The following GAS2 variants were observed in gnomAD, a reference collection of about 807,000 sequenced individuals.
The protein encoded by GAS2 is growth arrest specific 2.
In GAS2, 20 loss-of-function variants were observed where a neutral mutation model predicts 37.5. That is an observed-to-expected ratio of 0.53 (90% CI 0.37 to 0.77). The LOEUF (loss-of-function observed/expected upper bound fraction) is 0.77, where lower values mean the gene tolerates loss of function less well. Among genes scored for constraint, GAS2 ranks in the 30% least tolerant of loss-of-function variants. The pLI is 0.00. For synonymous variants in GAS2, 144 were observed against 132.2 expected (o/e 1.09, Z -0.61); for missense variants, 336 against 373.4 (o/e 0.90, Z 0.82).
At chr11:22,789,818 C>A (rs1168584398) in intron 7 of GAS2, among the ~76,000 whole-genome samples, 2 of 151,954 alleles carry the variant, frequency 1.3e-5, no homozygotes, top group African/African-American at 2.4e-5. Flanking sequence ...AAATATATAT[C>A]TCTCTATATA....
chr11:22,778,014 T>C (rs1371218931), intron 7 of GAS2, among the ~76,000 whole-genome samples: 2 of 152,176 alleles, frequency 1.3e-5, no homozygotes, highest in Middle Eastern at 3.4e-3. Flanking sequence ...ATTTTGGGGG[T>C]AGACTTAATT....
intron 7 of GAS2, among the ~76,000 whole-genome samples, chr11:22,797,712 C>T (rs1856496034): frequency 6.6e-6 from 1 of 152,036 alleles, no homozygotes; most frequent in Non-Finnish European, 1.5e-5. Flanking sequence ...GAAGTACTAT[C>T]AGGATTTTAA....
At chr11:22,718,501 G>A (rs1851793461) in intron 3 of GAS2, among the ~76,000 whole-genome samples, 1 of 151,644 alleles carries the variant, frequency 6.6e-6, no homozygotes, top group Non-Finnish European at 1.5e-5. Context: ...AATGGACTAT[G>A]GGGACTTTGG....
intron 7 of GAS2, among the ~76,000 whole-genome samples, chr11:22,788,742 C>A (rs7105105): frequency 0.39 from 58,564 of 151,892 alleles, 11,499 homozygotes; most frequent in African/African-American, 0.41. Context: ...GTATAATAGT[C>A]AGTAGTATAA....
intron 7 of GAS2, among the ~76,000 whole-genome samples, chr11:22,785,057 A>C (rs4528327): frequency 0.96 from 145,775 of 152,174 alleles, 70,115 homozygotes; most frequent in East Asian, 1. Context: ...CCATCACACT[A>C]GACATATTCC....
intron 3 of GAS2, among the ~76,000 whole-genome samples, chr11:22,691,928 C>T (rs1850264828): frequency 6.6e-6 from 1 of 152,188 alleles, no homozygotes; most frequent in African/African-American, 2.4e-5. Context: ...TATTCACCTC[C>T]AAATCAGAGA....
intron 3 of GAS2, among the ~76,000 whole-genome samples, chr11:22,704,487 G>T (rs1408769148): frequency 6.7e-6 from 1 of 149,108 alleles, no homozygotes; most frequent in African/African-American, 2.5e-5. Context: ...TGAAATAAAA[G>T]CTTCTACAAT....
chr11:22,803,950 C>G (rs1380631330), intron 7 of GAS2, among the ~76,000 whole-genome samples: 1 of 151,636 alleles, frequency 6.6e-6, no homozygotes, highest in Admixed American at 6.6e-5. Context: ...TTTCCATATT[C>G]TGAAAAGGGA....
chr11:22,778,936 CAG>C (rs1477593589), intron 7 of GAS2, among the ~76,000 whole-genome samples: 3 of 151,792 alleles, frequency 2.0e-5, no homozygotes, highest in Non-Finnish European at 4.4e-5. Flanking sequence ...GGAATGGAAA[CAG>C]AGGGGAACAA....
chr11:22,789,807 GA>G (rs1318518824), intron 7 of GAS2, among the ~76,000 whole-genome samples: 2 of 151,814 alleles, frequency 1.3e-5, no homozygotes, highest in Non-Finnish European at 2.9e-5. Flanking sequence ...TAGCAGAAAA[GA>G]AATATATATC....
intron 1 of GAS2, among the ~76,000 whole-genome samples, chr11:22,671,215 G>GA (rs1369726868): frequency 6.6e-6 from 1 of 151,884 alleles, no homozygotes; most frequent in African/African-American, 2.4e-5. Context: ...TGGAAAGAAA[G>GA]AAAAAATATA....
chr11:22,797,797 G>T (rs763882240), intron 7 of GAS2, among the ~76,000 whole-genome samples: 22 of 152,042 alleles, frequency 1.4e-4, no homozygotes, highest in Admixed American at 1.1e-3. Flanking sequence ...TTTTTGTATG[G>T]CTAAAACAAT....
At chr11:22,792,780 G>GAATT (rs1295451991) in intron 7 of GAS2, among the ~76,000 whole-genome samples, 1 of 152,210 alleles carries the variant, frequency 6.6e-6, no homozygotes, top group East Asian at 1.9e-4. Flanking sequence ...AGTCAGTGAT[G>GAATT]AATTGTTTAA....
intron 6 of GAS2, 96 bp downstream of exon 6, chr11:22,749,357 A>G (rs1312241347): frequency 4.5e-6 from 5 of 1,122,150 alleles, no homozygotes; most frequent in South Asian, 1.8e-5. Context: ...ATCTTTACCT[A>G]TATCAATTTT....
At chr11:22,722,309 A>G (rs905515603) in intron 3 of GAS2, among the ~76,000 whole-genome samples, 3 of 151,960 alleles carry the variant, frequency 2.0e-5, no homozygotes, top group Non-Finnish European at 4.4e-5. Flanking sequence ...TTTAGAAGCT[A>G]TAAGTATGTA....
chr11:22,703,395 AC>A (rs924609543), intron 3 of GAS2, among the ~76,000 whole-genome samples: 2 of 152,128 alleles, frequency 1.3e-5, no homozygotes, highest in African/African-American at 4.8e-5. Flanking sequence ...AGTCACTCTC[AC>A]CCTATGGAAA....
At chr11:22,748,572 T>C (rs1853542566) in intron 5 of GAS2, among the ~76,000 whole-genome samples, 1 of 152,096 alleles carries the variant, frequency 6.6e-6, no homozygotes, top group Non-Finnish European at 1.5e-5. Context: ...CATTATGCTA[T>C]TCCTAGGATC....
chr11:22,669,443 G>A (rs966342299), intron 1 of GAS2, among the ~76,000 whole-genome samples: 11 of 151,934 alleles, frequency 7.2e-5, no homozygotes, highest in African/African-American at 2.2e-4. Flanking sequence ...TTCCCATTCA[G>A]GTTTTTTTAA....
chr11:22,779,546 A>T (rs2134476829), intron 7 of GAS2, among the ~76,000 whole-genome samples: 1 of 152,196 alleles, frequency 6.6e-6, no homozygotes, highest in South Asian at 2.1e-4. Flanking sequence ...AAAAATATAA[A>T]AATTAGTCAG....
Sources: gnomAD v4.1 joint callset for allele counts (sites outside exome capture counted in the v4.1 genomes callset) on GRCh38, gnomAD v4.1.1 for gene constraint, MANE v1.5 for transcripts, NCBI Gene and HGNC (gene_info 2026-07-23, HGNC 2026-07-21) for gene names.